TAFA2: variants seen among roughly 807,000 people sequenced by gnomAD.
TAFA2 encodes chemokine-like protein TAFA-2.
In TAFA2, 7 loss-of-function variants were observed where a neutral mutation model predicts 18.8. That is an observed-to-expected ratio of 0.37 (90% CI 0.21 to 0.70). TAFA2 has a LOEUF of 0.70. Among genes scored for constraint, TAFA2 ranks in the 30% least tolerant of loss-of-function variants. TAFA2 has a pLI of 0.53. For synonymous variants in TAFA2, 60 were observed against 54.2 expected (o/e 1.11, Z -0.47); for missense variants, 122 against 158.1 (o/e 0.77, Z 1.23).
chr12:61,741,362 C>T (rs1459209593), intron 4 of TAFA2, among the ~76,000 whole-genome samples: 1 of 151,442 alleles, frequency 6.6e-6, no homozygotes, highest in African/African-American at 2.4e-5. Context: ...TACACACACA[C>T]ACATATATAT....
chr12:62,020,103 T>C (rs1881080339), intron 1 of TAFA2, among the ~76,000 whole-genome samples: 1 of 152,190 alleles, frequency 6.6e-6, no homozygotes, highest in African/African-American at 2.4e-5. Flanking sequence ...TATTGAGAAC[T>C]TACCTTTAAC....
chr12:62,099,897 AT>A (rs1365371929), intron 1 of TAFA2, among the ~76,000 whole-genome samples: 1 of 152,028 alleles, frequency 6.6e-6, no homozygotes, highest in Non-Finnish European at 1.5e-5. Flanking sequence ...AGTCAGAAAA[AT>A]TTTTTTCATT....
Position 61,737,579 on chromosome 12 carries a change from T to C in TAFA2, c.384+16043A>G, listed in dbSNP as rs548682640. Among the ~76,000 whole-genome samples the C allele has an allele frequency of 5.3e-5, 8 of 151,882 alleles. No homozygotes were observed. The South Asian group carries it at 1.7e-3, about 32-fold the overall frequency. On this transcript the variant is annotated intron_variant, in intron 4 of 4. Coordinates refer to ENST00000416284, the MANE Select transcript of TAFA2 (RefSeq NM_178539.5). Reference sequence around the variant, plus strand: ...AATATTTATTAATTGTGTGGCCCTGTTATTTCACTAAAAAAAAAAACTTAG... The same window carrying C: ...AATATTTATTAATTGTGTGGCCCTGCTATTTCACTAAAAAAAAAAACTTAG...
intron 1 of TAFA2, among the ~76,000 whole-genome samples, chr12:62,042,432 C>CGT (rs71450572): frequency 0.14 from 20,626 of 143,482 alleles, 1,563 homozygotes; most frequent in Middle Eastern, 0.26. Flanking sequence ...TGTGTGTGCG[C>CGT]GTGTGTGTGT....
chr12:61,920,102 A>T (rs573617471), intron 1 of TAFA2, among the ~76,000 whole-genome samples: 1 of 152,368 alleles, frequency 6.6e-6, no homozygotes, highest in East Asian at 1.9e-4. Flanking sequence ...TAGTGTCAAT[A>T]TAAATATAAC....
intron 1 of TAFA2, among the ~76,000 whole-genome samples, chr12:62,098,267 A>G (rs1008365416): frequency 6.6e-6 from 1 of 152,146 alleles, no homozygotes; most frequent in East Asian, 1.9e-4. Flanking sequence ...GCAGGATTCA[A>G]GAGTGAGTGG....
At chr12:62,157,238 C>T (rs1390916354) in intron 1 of TAFA2, among the ~76,000 whole-genome samples, 1 of 151,596 alleles carries the variant, frequency 6.6e-6, no homozygotes, top group East Asian at 1.9e-4. Flanking sequence ...TGAATTTTTT[C>T]ATATATCAAA....
chr12:62,152,324 G>A (rs2062334055), intron 1 of TAFA2, among the ~76,000 whole-genome samples: 1 of 152,096 alleles, frequency 6.6e-6, no homozygotes, highest in South Asian at 2.1e-4. Flanking sequence ...AACAGCACAG[G>A]CATAAGAAAA....
At position 62,168,521 on chromosome 12, in the gene TAFA2, T is replaced by C. The variant is rs532143449; in HGVS notation, c.-2+22738A>G. 6.6e-5 allele frequency among the ~76,000 whole-genome samples: 10 copies of C among 152,104 alleles called. 1 individual carries two copies. The South Asian group carries it at 1.9e-3, about 28-fold the overall frequency. On this transcript the variant is annotated intron_variant, in intron 1 of 4. Transcript: ENST00000416284. ...ACTGCAAAGAAAAGGAAAAAAGATA[T>C]GAGGGGGAAGTACAGGCCAACAGTT...
Position 61,813,557 on chromosome 12 carries a change from G to A in TAFA2, c.106+53763C>T, listed in dbSNP as rs1045140677. The stretch of plus-strand genomic sequence containing the variant: ...AAGATTTTCCCAATAACAAAAGTAT[G>A]GTGAATATTAGCCTGCAATTTGTAC... On this transcript the variant is annotated intron_variant, in intron 2 of 4. Coordinates refer to ENST00000416284, the MANE Select transcript of TAFA2 (RefSeq NM_178539.5). Among the ~76,000 whole-genome samples, 7 of 151,138 alleles carry A rather than the reference G, an allele frequency of 4.6e-5. 1 individual carries two copies. The highest frequency in any genetic ancestry group is 2.0e-4 in the Admixed American group (3 of 15,210).
chr12:61,926,164 T>C (rs1021948198), intron 1 of TAFA2, among the ~76,000 whole-genome samples: 2 of 152,116 alleles, frequency 1.3e-5, no homozygotes, highest in Admixed American at 6.5e-5. Flanking sequence ...AATCCCTGAA[T>C]AGACCAAAAA....
chr12:62,159,414 A>T (rs2062391769), intron 1 of TAFA2, among the ~76,000 whole-genome samples: 1 of 152,188 alleles, frequency 6.6e-6, no homozygotes, highest in Admixed American at 6.5e-5. Context: ...ATTCTTAAGT[A>T]TCTTGTAAGA....
intron 1 of TAFA2, among the ~76,000 whole-genome samples, chr12:62,077,850 T>G (rs1195576859): frequency 6.6e-6 from 1 of 152,072 alleles, no homozygotes; most frequent in Admixed American, 6.5e-5. Context: ...CATTCTAAGC[T>G]CTCAAGCCTT....
In TAFA2 at chr12:62,169,837, C is replaced by A. The variant is rs1263285655; in HGVS notation, c.-2+21422G>T. On this transcript the variant is annotated intron_variant, in intron 1 of 4. Coordinates refer to ENST00000416284, the MANE Select transcript of TAFA2 (RefSeq NM_178539.5). ...CTACACTCCAGACTGGGCGACAGGG[C>A]GAGACTCCGTCTCAAAAAAAAAAAA... 4.0e-5 allele frequency among the ~76,000 whole-genome samples: 5 copies of A among 123,582 alleles called. No homozygotes were observed. The Admixed American group carries it at 4.9e-4, about 12-fold the overall frequency. 81.1% of individuals were successfully genotyped at this position (123,582 alleles called of 152,430 possible).
At chr12:62,106,061 G>A (rs778904433) in intron 1 of TAFA2, among the ~76,000 whole-genome samples, 1 of 152,102 alleles carries the variant, frequency 6.6e-6, no homozygotes, top group Non-Finnish European at 1.5e-5. Flanking sequence ...GGCCGGGCGC[G>A]GTGGCTCACG....
intron 1 of TAFA2, among the ~76,000 whole-genome samples, chr12:62,085,690 A>G (rs982552528): frequency 2.0e-5 from 3 of 152,154 alleles, no homozygotes; most frequent in Non-Finnish European, 4.4e-5. Context: ...AGAATTCAAA[A>G]AGTAGAATAG....
intron 1 of TAFA2, among the ~76,000 whole-genome samples, chr12:62,200,007 G>A (rs143611646): frequency 0.01 from 1,533 of 152,288 alleles, 21 homozygotes; most frequent in African/African-American, 0.03. Context: ...AATGATCAGT[G>A]ATGTTGAGTT....
At chr12:61,797,423 A>T (rs557754301) in intron 2 of TAFA2, among the ~76,000 whole-genome samples, 1 of 152,296 alleles carries the variant, frequency 6.6e-6, no homozygotes, top group Admixed American at 6.5e-5. Context: ...AGTGAAATTA[A>T]GCCCCAAACA....
chr12:61,748,062 T>C (rs1868817005), intron 4 of TAFA2, among the ~76,000 whole-genome samples: 1 of 151,850 alleles, frequency 6.6e-6, no homozygotes, highest in Non-Finnish European at 1.5e-5. Context: ...AAAGCAGTGT[T>C]TTTCAATCTA....
Sources: allele counts gnomAD v4.1 joint callset (sites outside exome capture counted in the v4.1 genomes callset), GRCh38; gene constraint gnomAD v4.1.1; transcripts MANE v1.5; gene names NCBI Gene and HGNC (gene_info 2026-07-23, HGNC 2026-07-21).